Variants in FRMD3 observed in about 807,000 individuals in gnomAD.
FRMD3 encodes FERM domain containing 3, also known as FERM domain-containing protein 3.
In FRMD3, 33 loss-of-function variants were observed where a neutral mutation model predicts 70.2. The ratio of observed to expected loss-of-function variants is 0.47; its 90% CI spans 0.36 to 0.63. The LOEUF (loss-of-function observed/expected upper bound fraction) is 0.63, where lower values mean the gene tolerates loss of function less well. Ranked by LOEUF, FRMD3 falls within the 20% of genes least tolerant of loss-of-function variation. The probability of loss-of-function intolerance (pLI) is 0.00; values close to 1 mark genes in which losing one functional copy is unlikely to be tolerated. For missense variants in FRMD3, 632 were observed against 711.4 expected (o/e 0.89, Z 1.27); for synonymous variants, 279 against 255.9 (o/e 1.09, Z -0.86).
the FRMD3 span, among the ~76,000 whole-genome samples, chr9:83,585,657 G>A: frequency 1.3e-5 from 2 of 152,198 alleles, no homozygotes; most frequent in African/African-American, 4.8e-5. Flanking sequence ...AGAGACAGGA[G>A]CGTGAGTCTC....
intron 6 of FRMD3, chr9:83,331,957 G>A: frequency 2.8e-6 from 2 of 707,108 alleles, no homozygotes; most frequent in Admixed American, 4.2e-5. Flanking sequence ...CTTCCGAAAT[G>A]AAGCATGACC....
intron 1 of FRMD3, among the ~76,000 whole-genome samples, chr9:83,416,299 T>C (rs527948500): frequency 1.1e-4 from 17 of 152,360 alleles, no homozygotes; most frequent in African/African-American, 3.8e-4. Context: ...ACTTATGGAT[T>C]CTTGCGTTTC....
chr9:83,455,721 C>G lies in FRMD3; in HGVS notation c.148-66013G>C, dbSNP rs116380311. ...TGTTGTGATAAGCAACTACCTCTGA[C>G]TATATCAGAAACCTCAACAATTTAC... On this transcript the variant is annotated intron_variant, in intron 1 of 13. Transcript: ENST00000304195. 5.2e-3 allele frequency among the ~76,000 whole-genome samples: 784 copies of G among 152,232 alleles called. 8 individuals carry two copies. The highest frequency in any genetic ancestry group is 0.017 in the African/African-American group (724 of 41,534).
intron 3 of FRMD3, among the ~76,000 whole-genome samples, chr9:83,371,281 A>C (rs1029608621): frequency 6.6e-6 from 1 of 151,890 alleles, no homozygotes; most frequent in Admixed American, 6.6e-5. Context: ...ATTATCCTGC[A>C]TATCATACTA....
At chr9:83,399,324 C>T (rs1353474296) in intron 1 of FRMD3, among the ~76,000 whole-genome samples, 1 of 152,188 alleles carries the variant, frequency 6.6e-6, no homozygotes, top group East Asian at 1.9e-4. Flanking sequence ...CGTACTGTGG[C>T]TTTCATTCTA....
intron 3 of FRMD3, among the ~76,000 whole-genome samples, chr9:83,359,687 A>G (rs1339421691): frequency 6.6e-6 from 1 of 152,192 alleles, no homozygotes; most frequent in Non-Finnish European, 1.5e-5. Flanking sequence ...AAAATCTTAT[A>G]TATCTTTTGG....
chr9:83,397,691 C>T (rs964707095), intron 1 of FRMD3, among the ~76,000 whole-genome samples: 1 of 152,130 alleles, frequency 6.6e-6, no homozygotes, highest in Non-Finnish European at 1.5e-5. Flanking sequence ...GGTTCTTGTT[C>T]AAAGGGCTCT....
intron 1 of FRMD3, among the ~76,000 whole-genome samples, chr9:83,461,162 A>C (rs943959007): frequency 1.6e-4 from 24 of 152,210 alleles, no homozygotes; most frequent in Admixed American, 4.6e-4. Flanking sequence ...TGGATCATAC[A>C]CATAGGCCCA....
chr9:83,484,154 T>C (rs868241681), intron 1 of FRMD3, among the ~76,000 whole-genome samples: 5 of 152,214 alleles, frequency 3.3e-5, no homozygotes, highest in Admixed American at 6.5e-5. Context: ...CCTTTATCAA[T>C]CTCTTTAAAG....
chr9:83,361,707 C>A (rs1017286983), intron 3 of FRMD3, among the ~76,000 whole-genome samples: 1 of 152,072 alleles, frequency 6.6e-6, no homozygotes, highest in African/African-American at 2.4e-5. Flanking sequence ...AATTACAATG[C>A]ATTCATATTA....
At chr9:83,351,687 TGATAGATAGATAGATAGATA>T (rs10641248) in intron 3 of FRMD3, among the ~76,000 whole-genome samples, 1 of 145,594 alleles carries the variant, frequency 6.9e-6, no homozygotes, top group East Asian at 2.0e-4. Context: ...GATAGTTACA[TGATAGATAGATAGATAGATA>T]GATAGATAGA....
At chr9:83,338,976 T>C (rs963823995) in intron 5 of FRMD3, among the ~76,000 whole-genome samples, 2 of 152,128 alleles carry the variant, frequency 1.3e-5, no homozygotes, top group Non-Finnish European at 2.9e-5. Flanking sequence ...AGTGCTTCCA[T>C]TTTCCATAGG....
At chr9:83,298,877 G>T in intron 11 of FRMD3, 61 bp from the exon 12 acceptor site, 2 of 1,479,632 alleles carry the variant, frequency 1.4e-6, no homozygotes, top group Non-Finnish European at 1.9e-6. Flanking sequence ...GGAGGGATAT[G>T]CACAAGTGTC....
intron 6 of FRMD3, among the ~76,000 whole-genome samples, chr9:83,319,319 T>C (rs1392688455): frequency 6.6e-6 from 1 of 152,164 alleles, no homozygotes; most frequent in Non-Finnish European, 1.5e-5. Context: ...TAGTTCAAGG[T>C]CTTATGTTTA....
chr9:83,412,261 T>C (rs547650278), intron 1 of FRMD3, among the ~76,000 whole-genome samples: 1 of 152,374 alleles, frequency 6.6e-6, no homozygotes, highest in South Asian at 2.1e-4. Context: ...ATTACCATTG[T>C]ATAAATATAC....
At chr9:83,352,513 T>A (rs141786120) in intron 3 of FRMD3, among the ~76,000 whole-genome samples, 2 of 152,262 alleles carry the variant, frequency 1.3e-5, no homozygotes, top group Non-Finnish European at 2.9e-5. Context: ...TATGTCTGAG[T>A]GTAGGAAGCC....
chr9:83,585,767 T>G, the FRMD3 span, among the ~76,000 whole-genome samples: 1 of 152,234 alleles, frequency 6.6e-6, no homozygotes, highest in Non-Finnish European at 1.5e-5. Context: ...TATTGTTATT[T>G]TTTGGTTTTC....
intron 13 of FRMD3, chr9:83,266,925 C>A: frequency 1.5e-6 from 2 of 1,376,892 alleles, no homozygotes; most frequent in Non-Finnish European, 2.0e-6. Flanking sequence ...CAAATTCACC[C>A]TGGGCCTCTC....
intron 6 of FRMD3, among the ~76,000 whole-genome samples, chr9:83,329,012 G>T (rs573044663): frequency 6.6e-6 from 1 of 152,234 alleles, no homozygotes; most frequent in South Asian, 2.1e-4. Context: ...TGGCCACATT[G>T]CACTTTGGTA....
Sources: allele counts gnomAD v4.1 joint callset (sites outside exome capture counted in the v4.1 genomes callset), GRCh38; gene constraint gnomAD v4.1.1; transcripts MANE v1.5; gene names NCBI Gene and HGNC (gene_info 2026-07-23, HGNC 2026-07-21).